Variants in CDH4 observed in about 807,000 individuals in gnomAD.
The protein encoded by CDH4 is cadherin 4.
A neutral mutation model predicts 86.0 loss-of-function variants in CDH4; 33 were observed. The ratio of observed to expected loss-of-function variants is 0.38; its 90% CI spans 0.29 to 0.51. CDH4 has a LOEUF of 0.51. CDH4 is among the 20% of genes least tolerant of loss of function. The probability of loss-of-function intolerance (pLI) is 0.86; values close to 1 mark genes in which losing one functional copy is unlikely to be tolerated. For synonymous variants in CDH4, 555 were observed against 549.4 expected (o/e 1.01, Z -0.14); for missense variants, 1,114 against 1,307.4 (o/e 0.85, Z 2.28).
chr20:61,610,368 A>G (rs1467021985), intron 2 of CDH4, among the ~76,000 whole-genome samples: 1 of 152,244 alleles, frequency 6.6e-6, no homozygotes, highest in East Asian at 1.9e-4. Flanking sequence ...CACTGTGTAC[A>G]TGAACTACAT....
chr20:61,298,079 C>T (rs1426045879), intron 2 of CDH4, among the ~76,000 whole-genome samples: 3 of 152,180 alleles, frequency 2.0e-5, no homozygotes, highest in Admixed American at 1.3e-4. Context: ...CAGGCGGGTT[C>T]AGCAACTTTG....
chr20:61,901,226 G>A (rs532914313), intron 8 of CDH4, among the ~76,000 whole-genome samples: 26 of 128,430 alleles, frequency 2.0e-4, no homozygotes, highest in East Asian at 6.4e-4. Context: ...GAGGAGTAGG[G>A]GCAGGGGCAG....
At chr20:61,445,672 A>G (rs1036294201) in intron 2 of CDH4, among the ~76,000 whole-genome samples, 2 of 152,222 alleles carry the variant, frequency 1.3e-5, no homozygotes, top group African/African-American at 4.8e-5. Flanking sequence ...CACCAACTTC[A>G]GAATACACCG....
At chr20:61,514,329 C>A (rs1374701002) in intron 2 of CDH4, among the ~76,000 whole-genome samples, 2 of 149,132 alleles carry the variant, frequency 1.3e-5, no homozygotes, top group East Asian at 4.0e-4. Flanking sequence ...CCCCCCACCC[C>A]CACCCCCGAT....
chr20:61,760,024 C>A (rs1279062276), intron 3 of CDH4, among the ~76,000 whole-genome samples: 1 of 152,226 alleles, frequency 6.6e-6, no homozygotes, highest in African/African-American at 2.4e-5. Flanking sequence ...ATTCTGGAAC[C>A]TCCTTTCTTC....
intron 2 of CDH4, among the ~76,000 whole-genome samples, chr20:61,629,738 C>T (rs548219951): frequency 3.5e-4 from 54 of 152,208 alleles, no homozygotes; most frequent in Non-Finnish European, 6.3e-4. Flanking sequence ...CTGCCAAAAA[C>T]TGTCCCACGC....
intron 2 of CDH4, among the ~76,000 whole-genome samples, chr20:61,523,211 C>T (rs1170809691): frequency 6.6e-6 from 1 of 152,232 alleles, no homozygotes; most frequent in East Asian, 1.9e-4. Flanking sequence ...CTCATTGCTG[C>T]TGGAGCTTTC....
intron 4 of CDH4, among the ~76,000 whole-genome samples, chr20:61,836,088 A>C (rs1417041462): frequency 6.6e-6 from 1 of 152,220 alleles, no homozygotes; most frequent in East Asian, 1.9e-4. Flanking sequence ...CACTGGACTC[A>C]TTCTTGACTC....
chr20:61,926,928 C>T (rs1248326201), intron 11 of CDH4, among the ~76,000 whole-genome samples: 3 of 152,176 alleles, frequency 2.0e-5, no homozygotes, highest in Non-Finnish European at 4.4e-5. Context: ...AACATCGGAG[C>T]GTCCATCGCA....
intron 6 of CDH4, among the ~76,000 whole-genome samples, chr20:61,855,613 G>A (rs1982963693): frequency 2.6e-5 from 4 of 152,302 alleles, no homozygotes; most frequent in African/African-American, 7.2e-5. Flanking sequence ...CAAACCTCCC[G>A]TGTCTTACTT....
intron 2 of CDH4, among the ~76,000 whole-genome samples, chr20:61,599,481 C>CTCCTGACCT (rs1442184668): frequency 6.6e-6 from 1 of 152,220 alleles, no homozygotes; most frequent in African/African-American, 2.4e-5. Context: ...AAGGCCGACC[C>CTCCTGACCT]TCCTGACCCC....
chr20:61,879,523 T>C lies in CDH4; in HGVS notation c.1050+5623T>C, dbSNP rs572209619. Among the ~76,000 whole-genome samples, 8 of 152,284 alleles carry C rather than the reference T, an allele frequency of 5.3e-5. No homozygotes were observed. In the South Asian group the frequency reaches 1.7e-3, roughly 32 times the overall value. On this transcript the variant is annotated intron_variant, in intron 7 of 15. Coordinates refer to ENST00000614565, the MANE Select transcript of CDH4 (RefSeq NM_001794.5). This position sits in a 1 kb window ranked among gnomAD's most constrained non-coding sequence, Gnocchi z 4.1. ...AAATCCACAAACATCATTGCCGCCG[T>C]GTCTAATTAGGCAGAGCTATGTAAA...
chr20:61,285,077 T>TG (rs1555833423), intron 2 of CDH4, among the ~76,000 whole-genome samples: 1 of 147,296 alleles, frequency 6.8e-6, no homozygotes, highest in Non-Finnish European at 1.5e-5. Flanking sequence ...TTCCTGTTTT[T>TG]TTTTTTTGTT....
At position 61,480,906 on chromosome 20, in the gene CDH4, C is replaced by A. The variant is rs1404000476; in HGVS notation, c.169+225969C>A. On this transcript the variant is annotated intron_variant, in intron 2 of 15. Transcript: ENST00000614565. This position sits in a 1 kb window ranked among gnomAD's most constrained non-coding sequence, Gnocchi z 5.2. The stretch of plus-strand genomic sequence containing the variant: ...TGCATTGCCCTCACATGGATTTGTG[C>A]GACCAAGATTATACAACTCGGATGC... Among the ~76,000 whole-genome samples, 4 of 152,204 alleles carry A rather than the reference C, an allele frequency of 2.6e-5. No individual in the cohort carries two copies. The highest frequency in any genetic ancestry group is 9.6e-5 in the African/African-American group (4 of 41,466).
At chr20:61,904,202 A>G (rs901531687) in intron 8 of CDH4, among the ~76,000 whole-genome samples, 9 of 152,312 alleles carry the variant, frequency 5.9e-5, no homozygotes, top group Admixed American at 5.9e-4. Context: ...TGTTAGGGGC[A>G]TGAGGATCAG....
intron 2 of CDH4, among the ~76,000 whole-genome samples, chr20:61,730,799 C>A (rs904799082): frequency 4.6e-5 from 7 of 152,040 alleles, no homozygotes; most frequent in Admixed American, 3.3e-4. Flanking sequence ...TCCAGAAACG[C>A]CAGATCTACT....
rs567606288 is a variant in CDH4, at chr20:61,362,513, G to A, written c.169+107576G>A. On this transcript the variant is annotated intron_variant, in intron 2 of 15. Coordinates refer to ENST00000614565, the MANE Select transcript of CDH4 (RefSeq NM_001794.5). ...GGCCTAGGACAGTGTAGTGGAGAGC[G>A]GAGACGTGGCCTAGGACAGCGTAGG... Among the ~76,000 whole-genome samples, 258 of 147,258 alleles carry A rather than the reference G, an allele frequency of 1.8e-3. 1 individual carries two copies. The highest frequency in any genetic ancestry group is 6.0e-3 in the African/African-American group (238 of 39,778).
intron 2 of CDH4, among the ~76,000 whole-genome samples, chr20:61,360,376 A>C (rs2084777090): frequency 6.6e-6 from 1 of 152,162 alleles, no homozygotes; most frequent in African/African-American, 2.4e-5. Context: ...GGGCAGAAGA[A>C]CATTGGAGAG....
At chr20:61,256,489 G>A (rs1434939957) in intron 2 of CDH4, among the ~76,000 whole-genome samples, 1 of 152,224 alleles carries the variant, frequency 6.6e-6, no homozygotes, top group African/African-American at 2.4e-5. Context: ...GGTGTGTTGT[G>A]TGGGGATATC....
Sources: allele counts gnomAD v4.1 joint callset (sites outside exome capture counted in the v4.1 genomes callset), GRCh38; gene constraint gnomAD v4.1.1; non-coding constraint Gnocchi (gnomAD v3.1); transcripts MANE v1.5; gene names NCBI Gene and HGNC (gene_info 2026-07-23, HGNC 2026-07-21).